DNAH14: variants seen among roughly 807,000 people sequenced by gnomAD.
DNAH14 encodes axonemal beta dynein heavy chain 14.
In DNAH14, 478 loss-of-function variants were observed where a neutral mutation model predicts 520.9. That is an observed-to-expected ratio of 0.92 (90% CI 0.85 to 0.99). The LOEUF is 0.99. Ranked by LOEUF, DNAH14 falls within the 50% of genes least tolerant of loss-of-function variation. The probability of loss-of-function intolerance (pLI) is 0.00; values close to 1 mark genes in which losing one functional copy is unlikely to be tolerated. For missense variants in DNAH14, 4,831 were observed against 5,234.5 expected (o/e 0.92, Z 2.38); for synonymous variants, 1,581 against 1,757.2 (o/e 0.90, Z 2.51).
At chr1:225,164,175 A>AGTT (rs569169444) in intron 35 of DNAH14, among the ~76,000 whole-genome samples, 1 of 151,944 alleles carries the variant, frequency 6.6e-6, no homozygotes, top group Non-Finnish European at 1.5e-5. Flanking sequence ...CACATCTGTC[A>AGTT]GTTGTTGTTG....
chr1:225,061,166 T>C (rs2070027342), intron 17 of DNAH14, among the ~76,000 whole-genome samples: 1 of 152,192 alleles, frequency 6.6e-6, no homozygotes, highest in African/African-American at 2.4e-5. Context: ...CCCCACCCAG[T>C]TCGAGCTTCC....
chr1:225,173,808 CAT>C (rs1183464395), intron 36 of DNAH14, among the ~76,000 whole-genome samples: 11 of 152,168 alleles, frequency 7.2e-5, no homozygotes, highest in African/African-American at 2.4e-4. Flanking sequence ...GACATATGCA[CAT>C]ATATGTTAAT....
intron 36 of DNAH14, among the ~76,000 whole-genome samples, chr1:225,168,567 G>A (rs966287836): frequency 6.6e-5 from 10 of 152,140 alleles, no homozygotes; most frequent in South Asian, 2.1e-4. Flanking sequence ...CACAGCAGTC[G>A]GAGATCAAAC....
Position 225,374,818 on chromosome 1 carries a change from A to T in DNAH14, c.12449A>T (p.Lys4150Met). ...GATAATTGGGACAAGCGATGCTTGA[A>T]GACCCTACTCTACAAATTTTGTAAT... The part of the protein sequence containing the change: ...VIDNWDKRCL[K>M]TLLYKFCNPE... Residue 4150 changes from lysine (K) to methionine (M), a missense_variant, in exon 78 of 86, where the codon AAG (lysine) becomes ATG (methionine). Lys to Met is a moderately conservative substitution (Grantham distance 95, BLOSUM62 -1). Coordinates refer to ENST00000682510, the MANE Select transcript of DNAH14 (RefSeq NM_001367479.1). 6.4e-7 allele frequency: 1 copy of T among 1,551,648 alleles called. No homozygotes were observed. The highest frequency in any genetic ancestry group is 8.7e-7 in the Non-Finnish European group (1 of 1,146,946).
At chr1:225,092,754 T>G (rs936008715) in intron 21 of DNAH14, among the ~76,000 whole-genome samples, 2 of 151,178 alleles carry the variant, frequency 1.3e-5, no homozygotes, top group African/African-American at 2.4e-5. Context: ...TTTGAAAAAA[T>G]TAAGATACAT....
At chr1:225,218,313 C>G (rs1482497810) in intron 41 of DNAH14, among the ~76,000 whole-genome samples, 1 of 152,046 alleles carries the variant, frequency 6.6e-6, no homozygotes, top group Admixed American at 6.5e-5. Flanking sequence ...ACAATATTAA[C>G]CTTAAATGTA....
chr1:225,258,589 G>A (rs1436011464), intron 45 of DNAH14, among the ~76,000 whole-genome samples: 1 of 152,082 alleles, frequency 6.6e-6, no homozygotes, highest in African/African-American at 2.4e-5. Context: ...TCTAACTTGT[G>A]TTGCATAGCA....
intron 41 of DNAH14, among the ~76,000 whole-genome samples, chr1:225,209,799 C>A (rs1016934447): frequency 6.6e-6 from 1 of 151,962 alleles, no homozygotes; most frequent in Admixed American, 6.6e-5. Flanking sequence ...ACTGAGGTAC[C>A]CAGCTCATCT....
At chr1:225,300,734 A>T in intron 55 of DNAH14, 135 bp from the exon 56 acceptor site, 1 of 905,378 alleles carries the variant, frequency 1.1e-6, no homozygotes, top group Non-Finnish European at 1.6e-6. Context: ...GGGGGAGATT[A>T]GCTTTAAAAA....
At chr1:224,991,084 C>CATTTTTTTTTTTTTTTTTTTTTTTTTTT (rs1558617220) in intron 8 of DNAH14, among the ~76,000 whole-genome samples, 2 of 77,900 alleles carry the variant, frequency 2.6e-5, no homozygotes, top group Admixed American at 1.4e-4. Context: ...TGATGTTGAG[C>CATTTTTTTTTTTTTTTTTTTTTTTTTTT]TTTTTTTTTT....
At chr1:225,208,975 C>A (rs2087967881) in intron 41 of DNAH14, among the ~76,000 whole-genome samples, 1 of 152,046 alleles carries the variant, frequency 6.6e-6, no homozygotes, top group African/African-American at 2.4e-5. Context: ...TCTGGAATTC[C>A]CTCTCTGTCC....
At chr1:225,131,002 T>C (rs962341131) in intron 27 of DNAH14, among the ~76,000 whole-genome samples, 6 of 152,240 alleles carry the variant, frequency 3.9e-5, no homozygotes, top group Admixed American at 2.6e-4. Flanking sequence ...GTAGCTTACT[T>C]TGAAATGCAT....
Position 225,041,404 on chromosome 1 carries a change from C to G in DNAH14, c.1489-1431C>G, listed in dbSNP as rs534398740. On this transcript the variant is annotated intron_variant, in intron 12 of 85. Coordinates refer to ENST00000682510, the MANE Select transcript of DNAH14 (RefSeq NM_001367479.1). The stretch of plus-strand genomic sequence containing the variant: ...CTATTCCTCTCTTGTAGTTTACAAT[C>G]TAGAGGAAATAAAACTATTTACTGG... Among the ~76,000 whole-genome samples, 232 of 152,278 alleles carry G rather than the reference C, an allele frequency of 1.5e-3. 3 individuals carry two copies. Among genetic ancestry groups the G allele is most frequent in the African/African-American group, 5.4e-3 (224 of 41,564 alleles).
rs577132125 is a variant in DNAH14 at position 225,013,401 on chromosome 1, G to A, written c.1107+5857G>A. Among the ~76,000 whole-genome samples, 7 of 152,222 alleles carry A rather than the reference G, an allele frequency of 4.6e-5. No homozygotes were observed. The East Asian group carries it at 5.8e-4, about 13-fold the overall frequency. On this transcript the variant is annotated intron_variant, in intron 10 of 85. Coordinates refer to ENST00000682510, the MANE Select transcript of DNAH14 (RefSeq NM_001367479.1). Reference sequence around the variant, plus strand: ...AGCTCTCCTGTATGAGGTGTCTGTCGACCTCTACTGGGAGGTGTTTCCCAG... The same window carrying A: ...AGCTCTCCTGTATGAGGTGTCTGTCAACCTCTACTGGGAGGTGTTTCCCAG...
intron 44 of DNAH14, among the ~76,000 whole-genome samples, chr1:225,255,821 TA>T (rs998842867): frequency 1.3e-4 from 19 of 151,648 alleles, no homozygotes; most frequent in Admixed American, 1.1e-3. Flanking sequence ...TATAAAGAAA[TA>T]AAAAGAAAGA....
At chr1:225,302,231 T>C (rs949127349) in intron 56 of DNAH14, among the ~76,000 whole-genome samples, 8 of 151,380 alleles carry the variant, frequency 5.3e-5, no homozygotes, top group African/African-American at 1.7e-4. Context: ...CTGCTAACAT[T>C]TGATATATCT....
At chr1:225,102,824 C>T (rs1332432140) in intron 23 of DNAH14, among the ~76,000 whole-genome samples, 3 of 152,114 alleles carry the variant, frequency 2.0e-5, no homozygotes, top group African/African-American at 7.2e-5. Context: ...CAAAAATTTT[C>T]TGCCATCCTG....
chr1:225,349,102 C>G (rs1270980413), intron 71 of DNAH14, among the ~76,000 whole-genome samples: 1 of 152,118 alleles, frequency 6.6e-6, no homozygotes, highest in African/African-American at 2.4e-5. Flanking sequence ...TCCCAAGTAG[C>G]TGGGACTGCA....
At chr1:225,165,400 A>G (rs1388093722) in intron 35 of DNAH14, among the ~76,000 whole-genome samples, 1 of 152,146 alleles carries the variant, frequency 6.6e-6, no homozygotes, top group Non-Finnish European at 1.5e-5. Flanking sequence ...CTAAATTAAC[A>G]GGAGTCTTAA....
Sources: gnomAD v4.1 joint callset for allele counts (sites outside exome capture counted in the v4.1 genomes callset) on GRCh38, gnomAD v4.1.1 for gene constraint, MANE v1.5 for transcripts, NCBI Gene and HGNC (gene_info 2026-07-23, HGNC 2026-07-21) for gene names.